The following RIT2 variants were observed in gnomAD, a reference collection of about 807,000 sequenced individuals.
The protein encoded by RIT2 is Ras like without CAAX 2, also known as GTP-binding protein Rit2.
Under a neutral mutation model 23.7 loss-of-function variants are expected in RIT2, and 24 were observed. The ratio of observed to expected loss-of-function variants is 1.01; its 90% CI spans 0.73 to 1.43. The LOEUF is 1.43. Ranked by LOEUF, RIT2 falls within the 40% of genes most tolerant of loss-of-function variation. The pLI, the probability that RIT2 is intolerant of heterozygous loss-of-function variation, is 0.00. For synonymous variants in RIT2, 107 were observed against 91.1 expected, an observed-to-expected ratio of 1.17 and a Z score of -0.99; for missense variants, 236 against 266.9, an observed-to-expected ratio of 0.88 and a Z score of 0.81.
chr18:43,030,960 A>G (rs2144280595), intron 2 of RIT2, among the ~76,000 whole-genome samples: 1 of 152,200 alleles, frequency 6.6e-6, no homozygotes, highest in East Asian at 1.9e-4. Context: ...TTTCTCTCAC[A>G]GAAGAGTATA....
intron 4 of RIT2, among the ~76,000 whole-genome samples, chr18:42,857,679 G>GAAGT (rs1907221945): frequency 6.6e-6 from 1 of 152,218 alleles, no homozygotes; most frequent in East Asian, 1.9e-4. Context: ...ATTGTACAAT[G>GAAGT]AAGTGGCTAT....
At chr18:42,826,017 C>G (rs1906288206) in intron 4 of RIT2, among the ~76,000 whole-genome samples, 1 of 152,000 alleles carries the variant, frequency 6.6e-6, no homozygotes, top group South Asian at 2.1e-4. Context: ...AAATTAATTT[C>G]TCCCTTGCTT....
chr18:43,033,822 T>A lies in RIT2; in HGVS notation c.149A>T (p.Asp50Val). The change falls in exon 2 of 5, where the codon GAC becomes GTC. Residue 50 changes from aspartate to valine, a missense_variant. Physicochemically the swap from Asp to Val is radical, Grantham distance 152 (BLOSUM62 -3). Transcript: ENST00000326695. Reference protein sequence around the residue: ...FISHQFPDYHDPTIEDAYKTQ... With the variant: ...FISHQFPDYHVPTIEDAYKTQ... ...AAGCTTCCACTTACCTATAGTAGGG[T>A]CATGATAATCAGGGAACTGATGACT... 1 of 1,607,950 alleles carries A rather than the reference T, an allele frequency of 6.2e-7. No individual in the cohort carries two copies. The highest frequency in any genetic ancestry group is 8.5e-7 in the Non-Finnish European group (1 of 1,175,018).
intron 3 of RIT2, among the ~76,000 whole-genome samples, chr18:42,966,619 T>C (rs1243711434): frequency 2.0e-5 from 3 of 149,012 alleles, no homozygotes; most frequent in Non-Finnish European, 4.4e-5. Context: ...ATAAAATATG[T>C]AGTGAAGAAA....
At position 42,826,427 on chromosome 18, in the gene RIT2, AG is replaced by A. The variant is rs1598670417; in HGVS notation, c.427-82708del. On this transcript the variant is annotated intron_variant, in intron 4 of 4. Coordinates refer to ENST00000326695, the MANE Select transcript of RIT2 (RefSeq NM_002930.4). ...AGAACAAAGATTTAATCATCTCAAA[AG>A]ATGCAAAAAAACATTTCATAAAATT... 3.3e-5 allele frequency among the ~76,000 whole-genome samples: 5 copies of A among 152,130 alleles called. 1 individual carries two copies. In the South Asian group the frequency reaches 1.0e-3, roughly 31 times the overall value.
chr18:43,014,244 T>G (rs1033950943), intron 2 of RIT2, among the ~76,000 whole-genome samples: 1 of 151,700 alleles, frequency 6.6e-6, no homozygotes, highest in Non-Finnish European at 1.5e-5. Context: ...TTCAGACACA[T>G]AGATTCACTT....
intron 3 of RIT2, among the ~76,000 whole-genome samples, chr18:42,962,076 G>T (rs1384967806): frequency 6.6e-6 from 1 of 152,070 alleles, no homozygotes. Flanking sequence ...AATGTTTAGG[G>T]GTGAAAGCAC....
At chr18:42,803,866 A>C (rs948694759) in intron 4 of RIT2, among the ~76,000 whole-genome samples, 2 of 152,206 alleles carry the variant, frequency 1.3e-5, no homozygotes, top group African/African-American at 4.8e-5. Context: ...TTCCTCTTTA[A>C]GAAACAGAAG....
chr18:43,084,878 C>A (rs551533302), intron 1 of RIT2, among the ~76,000 whole-genome samples: 7 of 152,144 alleles, frequency 4.6e-5, no homozygotes, highest in Non-Finnish European at 1.0e-4. Context: ...GTACATATAT[C>A]CCTTAAAGTA....
chr18:42,894,212 G>A (rs922320757), intron 4 of RIT2, among the ~76,000 whole-genome samples: 1 of 152,158 alleles, frequency 6.6e-6, no homozygotes, highest in Non-Finnish European at 1.5e-5. Flanking sequence ...TGCAGTAAGT[G>A]CTTTGCAAGG....
chr18:42,898,027 T>C lies in RIT2; in HGVS notation c.426+25545A>G, dbSNP rs187699651. On this transcript the variant is annotated intron_variant, in intron 4 of 4. Transcript: ENST00000326695. ...AGGGTGAAATGGTCAGGATTTCCTA[T>C]TGAGACTCCAGAGAGAAAGAGGCTA... Among the ~76,000 whole-genome samples, 324 of 152,298 alleles carry C rather than the reference T, an allele frequency of 2.1e-3. 1 individual carries two copies. Among genetic ancestry groups the C allele is most frequent in the Non-Finnish European group, 3.5e-3 (236 of 68,024 alleles).
At chr18:43,078,127 C>T (rs532845571) in intron 1 of RIT2, among the ~76,000 whole-genome samples, 66 of 152,260 alleles carry the variant, frequency 4.3e-4, no homozygotes, top group Admixed American at 3.9e-3. Flanking sequence ...GACAGCTAAG[C>T]TTTCTGCTTT....
intron 4 of RIT2, among the ~76,000 whole-genome samples, chr18:42,797,714 C>T (rs1413552162): frequency 6.6e-6 from 1 of 151,918 alleles, no homozygotes. Context: ...TAGCCGAGTT[C>T]GACAATGATT....
intron 4 of RIT2, among the ~76,000 whole-genome samples, chr18:42,831,027 A>T (rs1906442648): frequency 6.6e-6 from 1 of 152,190 alleles, no homozygotes; most frequent in Non-Finnish European, 1.5e-5. Context: ...TTATTGCATA[A>T]TGAAATTCAA....
chr18:42,753,404 C>A (rs906488740), intron 4 of RIT2, among the ~76,000 whole-genome samples: 6 of 152,120 alleles, frequency 3.9e-5, no homozygotes, highest in African/African-American at 9.7e-5. Flanking sequence ...TAATTGCTAA[C>A]CTTGAGTGAG....
chr18:43,091,916 C>T (rs1255608862), intron 1 of RIT2, among the ~76,000 whole-genome samples: 4 of 150,874 alleles, frequency 2.7e-5, no homozygotes, highest in African/African-American at 7.3e-5. Flanking sequence ...TTTTTAAGCA[C>T]TATCTACACA....
intron 2 of RIT2, among the ~76,000 whole-genome samples, chr18:42,992,956 C>T (rs1009977896): frequency 6.6e-6 from 1 of 152,194 alleles, no homozygotes; most frequent in South Asian, 2.1e-4. Flanking sequence ...AAATTAAATT[C>T]TGGTCCTCAA....
intron 4 of RIT2, among the ~76,000 whole-genome samples, chr18:42,897,314 G>A (rs1350085380): frequency 6.6e-6 from 1 of 152,220 alleles, no homozygotes; most frequent in Non-Finnish European, 1.5e-5. Context: ...AGAACTGGCA[G>A]CTGGTTGACA....
intron 1 of RIT2, among the ~76,000 whole-genome samples, chr18:43,076,486 G>C (rs892558729): frequency 6.6e-6 from 1 of 152,000 alleles, no homozygotes; most frequent in Non-Finnish European, 1.5e-5. Context: ...TTCTAATGAT[G>C]TATATGTTGT....
Sources: allele counts gnomAD v4.1 joint callset (sites outside exome capture counted in the v4.1 genomes callset), GRCh38; gene constraint gnomAD v4.1.1; transcripts MANE v1.5; gene names NCBI Gene and HGNC (gene_info 2026-07-23, HGNC 2026-07-21).